CSMD1: variants seen among roughly 807,000 people sequenced by gnomAD.
CSMD1 encodes CUB and sushi domain-containing protein 1.
Under a neutral mutation model 417.5 loss-of-function variants are expected in CSMD1, and 213 were observed. That is an observed-to-expected ratio of 0.51 (90% CI 0.46 to 0.57). The LOEUF (loss-of-function observed/expected upper bound fraction) is 0.57, where lower values mean the gene tolerates loss of function less well. Ranked by LOEUF, CSMD1 falls within the 20% of genes least tolerant of loss-of-function variation. The probability of loss-of-function intolerance (pLI) is 0.00; values close to 1 mark genes in which losing one functional copy is unlikely to be tolerated. For missense variants in CSMD1, 6,923 were observed against 4,529.7 expected, an observed-to-expected ratio of 1.53 and a Z score of -15.17; for synonymous variants, 2,862 against 1,736.8, an observed-to-expected ratio of 1.65 and a Z score of -16.11.
chr8:3,217,087 C>A (rs531693716), intron 29 of CSMD1, among the ~76,000 whole-genome samples: 2 of 151,940 alleles, frequency 1.3e-5, no homozygotes, highest in South Asian at 4.2e-4. Flanking sequence ...AGGCTGGATA[C>A]AATAGCATCA....
chr8:4,320,317 G>C (rs1799197281), intron 3 of CSMD1, among the ~76,000 whole-genome samples: 1 of 152,058 alleles, frequency 6.6e-6, no homozygotes, highest in Non-Finnish European at 1.5e-5. Flanking sequence ...AATACCTTCA[G>C]GCTATTTGTT....
At chr8:3,768,476 A>C (rs901045776) in intron 5 of CSMD1, among the ~76,000 whole-genome samples, 3 of 152,170 alleles carry the variant, frequency 2.0e-5, no homozygotes, top group Admixed American at 1.3e-4. Flanking sequence ...TTTTTTTCTG[A>C]AAATTTCTAG....
At chr8:4,375,077 A>T (rs17070091) in intron 3 of CSMD1, among the ~76,000 whole-genome samples, 1 of 151,890 alleles carries the variant, frequency 6.6e-6, no homozygotes, top group Admixed American at 6.6e-5. Context: ...GGAGTGATGA[A>T]TATTTCCAGG....
At chr8:4,431,019 A>G (rs891084817) in intron 2 of CSMD1, among the ~76,000 whole-genome samples, 5 of 152,154 alleles carry the variant, frequency 3.3e-5, no homozygotes, top group East Asian at 1.9e-4. Context: ...AAGACTTCGC[A>G]TAAGACCTGT....
chr8:3,529,455 C>T (rs1160025587), intron 10 of CSMD1, among the ~76,000 whole-genome samples: 1 of 152,078 alleles, frequency 6.6e-6, no homozygotes, highest in African/African-American at 2.4e-5. Flanking sequence ...AAGACAGAAT[C>T]ATAAATTTGG....
intron 1 of CSMD1, among the ~76,000 whole-genome samples, chr8:4,780,516 C>G (rs4875383): frequency 6.6e-6 from 1 of 152,018 alleles, no homozygotes; most frequent in Non-Finnish European, 1.5e-5. Flanking sequence ...AAAAGAGAAA[C>G]GAACCTGCCT....
chr8:3,476,577 A>T lies in CSMD1; in HGVS notation c.1449-7753T>A, dbSNP rs573285307. Among the ~76,000 whole-genome samples the T allele has an allele frequency of 3.3e-5, 5 of 152,270 alleles. No homozygotes were observed. The East Asian group carries it at 9.7e-4, about 29-fold the overall frequency. The stretch of plus-strand genomic sequence containing the variant: ...TGCAATCTCAAAGGTTACACAGAAC[A>T]TACATCCATTGGTGTGACATTCTCA... On this transcript the variant is annotated intron_variant, in intron 11 of 69. Transcript: ENST00000635120.
At chr8:3,829,847 G>A (rs1325865164) in intron 5 of CSMD1, among the ~76,000 whole-genome samples, 1 of 151,986 alleles carries the variant, frequency 6.6e-6, no homozygotes, top group South Asian at 2.1e-4. Context: ...AGCTCTTTTT[G>A]AATATTAATC....
chr8:3,963,707 A>C (rs1306758895), intron 5 of CSMD1, among the ~76,000 whole-genome samples: 1 of 152,210 alleles, frequency 6.6e-6, no homozygotes, highest in Admixed American at 6.5e-5. Context: ...TTCATCGTAG[A>C]CAAACTGCAA....
rs767689623 is a variant in CSMD1 at position 3,708,401 on chromosome 8, G to T, written c.1009+13C>A. ...GGCGTATCAATCCTCAGATAGAAAG[G>T]AAAGGGACTCACAGACAGAGTTTTT... is the stretch of plus-strand genomic sequence containing the variant. On this transcript the variant is annotated intron_variant, in intron 7 of 69. Coordinates refer to ENST00000635120, the MANE Select transcript of CSMD1 (RefSeq NM_033225.6). The T allele has an allele frequency of 3.7e-6, 6 of 1,611,876 alleles. No individual in the cohort carries two copies. Among genetic ancestry groups the T allele is most frequent in the East Asian group, 4.5e-5 (2 of 44,886 alleles).
chr8:3,175,513 TTTCCTTCCTTCCTTCC>T (rs547666803), intron 37 of CSMD1, among the ~76,000 whole-genome samples: 1 of 53,774 alleles, frequency 1.9e-5, no homozygotes, highest in Admixed American at 2.2e-4. Flanking sequence ...GCCTGCCTTT[TTTCCTTCCTTCCTTCC>T]TTCCTTCTTC....
At chr8:4,364,470 A>G (rs1263987483) in intron 3 of CSMD1, among the ~76,000 whole-genome samples, 2 of 152,132 alleles carry the variant, frequency 1.3e-5, no homozygotes, top group African/African-American at 4.8e-5. Flanking sequence ...ATTTTTAGTA[A>G]TACAATTTCC....
At chr8:3,887,140 G>A (rs1171220250) in intron 5 of CSMD1, among the ~76,000 whole-genome samples, 2 of 152,140 alleles carry the variant, frequency 1.3e-5, no homozygotes. Flanking sequence ...TTGTGTGGGT[G>A]AGGATGATGG....
chr8:4,267,660 G>C lies in CSMD1; in HGVS notation c.415+152293C>G, dbSNP rs532499006. Among the ~76,000 whole-genome samples, 3 of 152,072 alleles carry C rather than the reference G, an allele frequency of 2.0e-5. No individual in the cohort carries two copies. In the East Asian group the frequency reaches 5.8e-4, roughly 29 times the overall value. On this transcript the variant is annotated intron_variant, in intron 3 of 69. Coordinates refer to ENST00000635120, the MANE Select transcript of CSMD1 (RefSeq NM_033225.6). ...AAATACATATCTTTGCATACTTCGT[G>C]TTTAGGCTTTGGCTTCACTCCCTCC... is the stretch of plus-strand genomic sequence containing the variant.
chr8:3,919,787 T>C (rs953815011), intron 5 of CSMD1, among the ~76,000 whole-genome samples: 1 of 152,162 alleles, frequency 6.6e-6, no homozygotes, highest in African/African-American at 2.4e-5. Flanking sequence ...TTTCCATTTG[T>C]TTGTGTTTTC....
intron 11 of CSMD1, among the ~76,000 whole-genome samples, chr8:3,486,208 G>A (rs760018113): frequency 6.6e-6 from 1 of 152,126 alleles, no homozygotes; most frequent in South Asian, 2.1e-4. Context: ...TTAAGACAGC[G>A]ATGATAACTA....
At chr8:4,606,214 C>G (rs1020799743) in intron 2 of CSMD1, among the ~76,000 whole-genome samples, 5 of 152,064 alleles carry the variant, frequency 3.3e-5, no homozygotes, top group Non-Finnish European at 7.4e-5. Context: ...CCTTGCAGGT[C>G]TAAGAGTTGG....
At chr8:4,427,486 AATAC>A (rs1415209692) in intron 2 of CSMD1, among the ~76,000 whole-genome samples, 10 of 52,226 alleles carry the variant, frequency 1.9e-4, no homozygotes, top group African/African-American at 9.8e-4. Flanking sequence ...GACTTAATCA[AATAC>A]ACACACACAC....
At chr8:3,906,330 T>G (rs1287115723) in intron 5 of CSMD1, among the ~76,000 whole-genome samples, 1 of 152,292 alleles carries the variant, frequency 6.6e-6, no homozygotes, top group South Asian at 2.1e-4. Context: ...TTTGGTGTAC[T>G]AATTCAAAAT....
Sources: gnomAD v4.1 joint callset for allele counts (sites outside exome capture counted in the v4.1 genomes callset) on GRCh38, gnomAD v4.1.1 for gene constraint, MANE v1.5 for transcripts, NCBI Gene and HGNC (gene_info 2026-07-23, HGNC 2026-07-21) for gene names.